AGTPBP1: variants seen among roughly 807,000 people sequenced by gnomAD.
AGTPBP1 encodes the protein ATP/GTP binding carboxypeptidase 1.
Under a neutral mutation model 143.9 loss-of-function variants are expected in AGTPBP1, and 70 were observed. The observed-to-expected ratio is 0.49, with a 90% confidence interval of 0.40 to 0.59. The LOEUF is 0.59. Among genes scored for constraint, AGTPBP1 ranks in the 20% least tolerant of loss-of-function variants. The pLI is 0.00. For missense variants in AGTPBP1, 1,229 were observed against 1,464.5 expected, an observed-to-expected ratio of 0.84 and a Z score of 2.62; for synonymous variants, 463 against 500.2, an observed-to-expected ratio of 0.93 and a Z score of 0.99.
intron 22 of AGTPBP1, among the ~76,000 whole-genome samples, 182 bp from the exon 23 acceptor site, chr9:85,585,776 ATAAT>A (rs1828562735): frequency 6.6e-6 from 1 of 152,266 alleles, no homozygotes; most frequent in Admixed American, 6.5e-5. Flanking sequence ...GAAAGGATCT[ATAAT>A]TAATTCTAGA....
At chr9:85,748,336 C>T in the AGTPBP1 span, among the ~76,000 whole-genome samples, 1 of 152,208 alleles carries the variant, frequency 6.6e-6, no homozygotes, top group East Asian at 1.9e-4. Flanking sequence ...TCCTACTCCA[C>T]CAGTCCTTTA....
chr9:85,620,056 A>G (rs1351426653), intron 15 of AGTPBP1, among the ~76,000 whole-genome samples: 2 of 152,136 alleles, frequency 1.3e-5, no homozygotes, highest in African/African-American at 4.8e-5. Flanking sequence ...TATTATTTCA[A>G]ATTTAGTCAT....
chr9:85,580,461 G>A (rs192307759), intron 23 of AGTPBP1, among the ~76,000 whole-genome samples: 66 of 150,694 alleles, frequency 4.4e-4, no homozygotes, highest in African/African-American at 1.5e-3. Flanking sequence ...TCTGCGTCCC[G>A]GGTTCAAGCC....
At chr9:85,776,300 C>T in the AGTPBP1 span, among the ~76,000 whole-genome samples, 2 of 152,112 alleles carry the variant, frequency 1.3e-5, no homozygotes, top group South Asian at 2.1e-4. Flanking sequence ...TGACAGTTAC[C>T]GTCCTTGTTT....
At chr9:85,618,042 C>G (rs1438360171) in intron 17 of AGTPBP1, among the ~76,000 whole-genome samples, 2 of 152,108 alleles carry the variant, frequency 1.3e-5, no homozygotes, top group Non-Finnish European at 2.9e-5. Flanking sequence ...GAGTGCGAGA[C>G]CAGCCTGGCC....
intron 2 of AGTPBP1, among the ~76,000 whole-genome samples, chr9:85,696,121 T>C (rs1485363289): frequency 2.0e-5 from 3 of 152,086 alleles, no homozygotes; most frequent in Admixed American, 6.5e-5. Flanking sequence ...GGATTACAGG[T>C]GTAAGCCACC....
the AGTPBP1 span, among the ~76,000 whole-genome samples, chr9:85,781,699 C>CA: frequency 4.0e-5 from 6 of 151,800 alleles, no homozygotes; most frequent in East Asian, 5.8e-4. Flanking sequence ...CTGATTATCA[C>CA]AAAAAAAGAT....
upstream of AGTPBP1, among the ~76,000 whole-genome samples, chr9:85,743,327 G>C (rs73481025): frequency 0.026 from 3,900 of 152,278 alleles, 172 homozygotes; most frequent in African/African-American, 0.09. Context: ...CACAAGCACT[G>C]TTAGCATAGT....
chr9:85,729,610 T>C (rs1210547302), intron 1 of AGTPBP1, among the ~76,000 whole-genome samples: 2 of 151,870 alleles, frequency 1.3e-5, no homozygotes, highest in Non-Finnish European at 2.9e-5. Flanking sequence ...GTGCCAGCCA[T>C]ACATCTAGAT....
chr9:85,561,782 T>C (rs1185662223), intron 25 of AGTPBP1, among the ~76,000 whole-genome samples: 2 of 151,912 alleles, frequency 1.3e-5, no homozygotes, highest in Non-Finnish European at 2.9e-5. Context: ...TTAAATGGAC[T>C]TCAAATGTTA....
chr9:85,620,867 T>C (rs925481407), intron 15 of AGTPBP1, among the ~76,000 whole-genome samples: 1 of 152,224 alleles, frequency 6.6e-6, no homozygotes, highest in Non-Finnish European at 1.5e-5. Flanking sequence ...CAGCATTTCA[T>C]ATAAAATATC....
chr9:85,723,430 C>T (rs1838263326), intron 1 of AGTPBP1, among the ~76,000 whole-genome samples: 1 of 152,224 alleles, frequency 6.6e-6, no homozygotes, highest in Admixed American at 6.5e-5. Context: ...CAAGCTGCAG[C>T]ATTGCAGGTT....
At chr9:85,741,133 ACT>A in intron 1 of AGTPBP1, 1 of 800,218 alleles carries the variant, frequency 1.2e-6, no homozygotes, top group Non-Finnish European at 1.5e-6. Flanking sequence ...GAAACTCTGC[ACT>A]GTCATCCAGG....
In AGTPBP1 at chr9:85,632,744, C is replaced by G. The variant is rs1220276554; in HGVS notation, c.1933G>C (p.Glu645Gln). 1 of 1,614,032 alleles carries G rather than the reference C, an allele frequency of 6.2e-7. No homozygotes were observed. Among genetic ancestry groups the G allele is most frequent in the African/African-American group, 1.3e-5 (1 of 74,932 alleles). The change falls in exon 14 of 26, where the codon GAG becomes CAG. Residue 645 changes from glutamate (E) to glutamine (Q), a missense_variant. Glu to Gln is a conservative substitution (Grantham distance 29, BLOSUM62 2). This residue lies in a region of AGTPBP1 where 743 missense variants were observed against 812.2 expected (regional missense o/e 0.91). Coordinates refer to ENST00000357081, the MANE Select transcript of AGTPBP1 (RefSeq NM_001330701.2). ...CCAAAATAATCGGGATAAGCCACCT[C>G]TGAATATTCTGGGACAGACTTCGTA... ...KNTKSVPEYS[E>Q]VAYPDYFGHI...
intron 14 of AGTPBP1, 144 bp from the exon 15 acceptor site, chr9:85,621,429 C>CA (rs1201971821): frequency 8.7e-6 from 3 of 344,178 alleles, no homozygotes; most frequent in South Asian, 1.5e-4. Flanking sequence ...ATTTTGCATA[C>CA]AAAAAAACTA....
chr9:85,696,751 G>A (rs1243313951), intron 2 of AGTPBP1, among the ~76,000 whole-genome samples: 1 of 152,098 alleles, frequency 6.6e-6, no homozygotes, highest in African/African-American at 2.4e-5. Flanking sequence ...AATGCATGGT[G>A]TTACAAAATC....
chr9:85,736,665 C>T (rs991199594), intron 1 of AGTPBP1, among the ~76,000 whole-genome samples: 15 of 152,166 alleles, frequency 9.9e-5, no homozygotes, highest in Non-Finnish European at 2.2e-4. Context: ...TCCAGAAGTT[C>T]TAAAAGCACG....
chr9:85,789,648 T>C, the AGTPBP1 span, among the ~76,000 whole-genome samples: 1 of 152,068 alleles, frequency 6.6e-6, no homozygotes, highest in Non-Finnish European at 1.5e-5. Flanking sequence ...ATTTTTTTGT[T>C]GTTGCCTCAA....
the AGTPBP1 span, among the ~76,000 whole-genome samples, chr9:85,749,509 C>T: frequency 6.6e-6 from 1 of 152,164 alleles, no homozygotes; most frequent in African/African-American, 2.4e-5. Flanking sequence ...CTGTCTGTCT[C>T]TTTTCTACTT....
Sources: allele counts gnomAD v4.1 joint callset (sites outside exome capture counted in the v4.1 genomes callset), GRCh38; gene constraint gnomAD v4.1.1; regional missense constraint gnomAD v4.1.1; transcripts MANE v1.5; gene names NCBI Gene and HGNC (gene_info 2026-07-23, HGNC 2026-07-21).